SPATS2L: variants seen among roughly 807,000 people sequenced by gnomAD.
SPATS2L encodes the protein SPATS2-like protein.
A neutral mutation model predicts 59.6 loss-of-function variants in SPATS2L; 30 were observed. The ratio of observed to expected loss-of-function variants is 0.50; its 90% CI spans 0.38 to 0.68. SPATS2L has a LOEUF of 0.68. Among genes scored for constraint, SPATS2L ranks in the 30% least tolerant of loss-of-function variants. The pLI, the probability that SPATS2L is intolerant of heterozygous loss-of-function variation, is 0.00. For missense variants in SPATS2L, 615 were observed against 700.0 expected (o/e 0.88, Z 1.37); for synonymous variants, 252 against 263.5 (o/e 0.96, Z 0.42).
At chr2:200,445,266 T>C (rs1005687748) in intron 8 of SPATS2L, among the ~76,000 whole-genome samples, 1 of 151,946 alleles carries the variant, frequency 6.6e-6, no homozygotes, top group East Asian at 1.9e-4. Context: ...TGAGCCGAGG[T>C]CGTGCCACTG....
At chr2:200,381,766 C>T (rs2081820052) in intron 2 of SPATS2L, among the ~76,000 whole-genome samples, 1 of 152,148 alleles carries the variant, frequency 6.6e-6, no homozygotes, top group Non-Finnish European at 1.5e-5. Flanking sequence ...TGATTCTTCC[C>T]CTCTGAGGCA....
intron 8 of SPATS2L, among the ~76,000 whole-genome samples, chr2:200,442,413 C>A (rs1282406509): frequency 6.6e-6 from 1 of 152,146 alleles, no homozygotes; most frequent in African/African-American, 2.4e-5. Context: ...TATGCAGCTA[C>A]CCAGCTCTGC....
At chr2:200,474,359 T>C (rs971733271) in intron 12 of SPATS2L, among the ~76,000 whole-genome samples, 3 of 152,170 alleles carry the variant, frequency 2.0e-5, no homozygotes, top group Non-Finnish European at 4.4e-5. Context: ...TTTTTTTCTT[T>C]TTTTTGGCAC....
chr2:200,446,517 C>T (rs999782862), intron 8 of SPATS2L, among the ~76,000 whole-genome samples: 3 of 152,020 alleles, frequency 2.0e-5, no homozygotes, highest in Non-Finnish European at 2.9e-5. Flanking sequence ...GAGAGAGTGC[C>T]GCTGGCATCC....
intron 2 of SPATS2L, among the ~76,000 whole-genome samples, chr2:200,351,511 A>T (rs931736957): frequency 3.3e-5 from 5 of 152,198 alleles, no homozygotes; most frequent in Non-Finnish European, 7.3e-5. Flanking sequence ...CCTTGTCAGT[A>T]ACTTTTCTCC....
At chr2:200,452,457 A>G (rs1445591145) in intron 8 of SPATS2L, among the ~76,000 whole-genome samples, 1 of 152,222 alleles carries the variant, frequency 6.6e-6, no homozygotes, top group Admixed American at 6.5e-5. Context: ...TAGTCCTTAT[A>G]CTAAATCTGT....
chr2:200,374,780 T>A (rs531239545), intron 2 of SPATS2L, among the ~76,000 whole-genome samples: 1 of 152,282 alleles, frequency 6.6e-6, no homozygotes, highest in South Asian at 2.1e-4. Flanking sequence ...AAACAAGTAA[T>A]CAAAACCTAA....
intron 9 of SPATS2L, among the ~76,000 whole-genome samples, chr2:200,461,570 C>T (rs912683832): frequency 3.9e-5 from 6 of 152,160 alleles, no homozygotes; most frequent in Non-Finnish European, 7.4e-5. Context: ...GCCCCTAAGA[C>T]CCTATTTTCC....
intron 1 of SPATS2L, among the ~76,000 whole-genome samples, chr2:200,320,435 C>T (rs1233926113): frequency 2.6e-5 from 4 of 152,170 alleles, no homozygotes; most frequent in Non-Finnish European, 4.4e-5. Flanking sequence ...CTATGTAATA[C>T]ATCATTCTAT....
intron 1 of SPATS2L, among the ~76,000 whole-genome samples, chr2:200,313,392 A>G (rs1037258020): frequency 3.3e-5 from 5 of 152,300 alleles, no homozygotes; most frequent in Admixed American, 2.0e-4. Context: ...ACGGATAACT[A>G]TTATTACATT....
Position 200,389,235 on chromosome 2 carries a change from T to G in SPATS2L, c.-10T>G, listed in dbSNP as rs2082094951. On this transcript the variant is annotated 5_prime_UTR_variant, in exon 3 of 13. Coordinates refer to ENST00000409140, the MANE Select transcript of SPATS2L (RefSeq NM_001100423.2). ...TCCTTCTTTATAGGGCCTATTCCAC[T>G]AGAAGCAAGATGGCTGAACTCAATA... is the stretch of plus-strand genomic sequence containing the variant. 1 of 1,577,644 alleles carries G rather than the reference T, an allele frequency of 6.3e-7. No homozygotes were observed. The highest frequency in any genetic ancestry group is 8.6e-7 in the Non-Finnish European group (1 of 1,158,750).
chr2:200,349,602 C>T (rs781410058), intron 2 of SPATS2L, among the ~76,000 whole-genome samples: 1 of 152,204 alleles, frequency 6.6e-6, no homozygotes, highest in Non-Finnish European at 1.5e-5. Context: ...GGCGCCACTG[C>T]ACTCCAGCCT....
At chr2:200,358,410 T>C (rs1254199847) in intron 2 of SPATS2L, among the ~76,000 whole-genome samples, 1 of 152,242 alleles carries the variant, frequency 6.6e-6, no homozygotes, top group Non-Finnish European at 1.5e-5. Context: ...TTCATTTGGC[T>C]AAATTATCTT....
intron 10 of SPATS2L, among the ~76,000 whole-genome samples, chr2:200,468,481 T>C (rs2086785377): frequency 1.3e-5 from 2 of 152,086 alleles, no homozygotes; most frequent in Admixed American, 1.3e-4. Context: ...ATAAAACTGC[T>C]TGGCAATGAT....
rs1172186726 is a variant in SPATS2L, at chr2:200,396,033, A to ATATAAATATAT, written c.39+6750_39+6751insTATAAATATAT. Among the ~76,000 whole-genome samples the ATATAAATATAT allele has an allele frequency of 3.8e-4, 8 of 21,134 alleles. 1 individual carries two copies. Among genetic ancestry groups the ATATAAATATAT allele is most frequent in the African/African-American group, 1.2e-3 (8 of 6,786 alleles). The allele number at this position is 21,134 out of a possible 152,430, so 13.9% of individuals were successfully genotyped here. ...CTGGAAAAAAAAAAAAAAAAAAAAA[A>ATATAAATATAT]ATATATATATATATATATATATATA... On this transcript the variant is annotated intron_variant, in intron 3 of 12. Transcript: ENST00000409140.
chr2:200,457,935 A>G (rs1015965161), intron 8 of SPATS2L, among the ~76,000 whole-genome samples: 4 of 152,262 alleles, frequency 2.6e-5, no homozygotes, highest in African/African-American at 9.6e-5. Context: ...GAGAAGAAAA[A>G]GTCCATGTGA....
At chr2:200,350,626 C>T (rs1379245010) in intron 2 of SPATS2L, among the ~76,000 whole-genome samples, 2 of 152,082 alleles carry the variant, frequency 1.3e-5, no homozygotes, top group Admixed American at 6.6e-5. Context: ...TAGGTTCAAG[C>T]GATATTCGTG....
chr2:200,461,783 C>T (rs1019390998), intron 9 of SPATS2L, among the ~76,000 whole-genome samples: 5 of 152,122 alleles, frequency 3.3e-5, no homozygotes, highest in Admixed American at 2.6e-4. Flanking sequence ...CTTGTCTGGA[C>T]CTAGGCCATA....
intron 2 of SPATS2L, among the ~76,000 whole-genome samples, chr2:200,363,696 A>G (rs887936055): frequency 3.3e-5 from 5 of 152,258 alleles, no homozygotes; most frequent in African/African-American, 1.2e-4. Flanking sequence ...TGTTTGATAT[A>G]CAAATGTTAG....
Sources: gnomAD v4.1 joint callset for allele counts (sites outside exome capture counted in the v4.1 genomes callset) on GRCh38, gnomAD v4.1.1 for gene constraint, MANE v1.5 for transcripts, NCBI Gene and HGNC (gene_info 2026-07-23, HGNC 2026-07-21) for gene names.